HMCN1: variants seen among roughly 807,000 people sequenced by gnomAD.
The protein encoded by HMCN1 is hemicentin 1.
Under a neutral mutation model 625.9 loss-of-function variants are expected in HMCN1, and 321 were observed. The observed-to-expected ratio is 0.51, with a 90% CI of 0.47 to 0.56. HMCN1 has a LOEUF of 0.56. Among genes scored for constraint, HMCN1 ranks in the 20% least tolerant of loss-of-function variants. The probability of loss-of-function intolerance (pLI) is 0.00; values close to 1 mark genes in which losing one functional copy is unlikely to be tolerated. For missense variants in HMCN1, 6,588 were observed against 6,887.3 expected, an observed-to-expected ratio of 0.96 and a Z score of 1.54; for synonymous variants, 2,425 against 2,417.6, an observed-to-expected ratio of 1.00 and a Z score of -0.09.
chr1:185,788,577 G>A (rs1341793041), intron 1 of HMCN1, among the ~76,000 whole-genome samples: 1 of 152,166 alleles, frequency 6.6e-6, no homozygotes, highest in African/African-American at 2.4e-5. Flanking sequence ...GTTTTTACAG[G>A]AAGCCATTGT....
chr1:186,176,372 T>C (rs1294262497), intron 103 of HMCN1, among the ~76,000 whole-genome samples: 5 of 152,236 alleles, frequency 3.3e-5, no homozygotes, highest in African/African-American at 1.2e-4. Context: ...AGACACTAGT[T>C]ACCAATATTA....
chr1:185,925,895 G>A (rs1359942836), intron 9 of HMCN1, among the ~76,000 whole-genome samples: 1 of 152,188 alleles, frequency 6.6e-6, no homozygotes, highest in Non-Finnish European at 1.5e-5. Flanking sequence ...CATTGAGCCA[G>A]GAGGAGAAGG....
chr1:185,982,316 A>G lies in HMCN1; in HGVS notation c.2717A>G (p.Gln906Arg). 4 of 1,613,194 alleles carry G rather than the reference A, an allele frequency of 2.5e-6. No individual in the cohort carries two copies. The East Asian group carries it at 8.9e-5, about 36-fold the overall frequency. ...GTGGCCAATGTTATTGAAGGACAGC[A>G]GCTTACTTTGCCCTGTACTCTGTTA... ...PSVANVIEGQ[Q>R]LTLPCTLLAG... The change falls in exon 18 of 107, where the codon CAG (glutamine) becomes CGG (arginine). Residue 906 changes from glutamine to arginine, a missense_variant. Coordinates refer to ENST00000271588, the MANE Select transcript of HMCN1 (RefSeq NM_031935.3).
chr1:185,742,252 T>C (rs991065894), intron 1 of HMCN1, among the ~76,000 whole-genome samples: 2 of 152,092 alleles, frequency 1.3e-5, no homozygotes, highest in Non-Finnish European at 2.9e-5. Flanking sequence ...TAAAGAAAAA[T>C]AAGCAACTAT....
At chr1:186,166,050 G>T in intron 98 of HMCN1, 134 bp from the exon 99 acceptor site, 2 of 869,052 alleles carry the variant, frequency 2.3e-6, no homozygotes, top group Non-Finnish European at 1.8e-6. Context: ...TCATTTTGTG[G>T]CACTTAAAGC....
chr1:185,754,341 G>T (rs930612890), intron 1 of HMCN1, among the ~76,000 whole-genome samples: 40 of 152,140 alleles, frequency 2.6e-4, no homozygotes, highest in African/African-American at 9.7e-4. Flanking sequence ...CTTAAAAAAA[G>T]TCTTCAATGC....
At chr1:186,010,211 G>T (rs571991132) in intron 30 of HMCN1, among the ~76,000 whole-genome samples, 1 of 152,142 alleles carries the variant, frequency 6.6e-6, no homozygotes, top group African/African-American at 2.4e-5. Flanking sequence ...GTATATATGT[G>T]TGTGTGTGGG....
chr1:186,062,992 A>G (rs905646222), intron 48 of HMCN1, among the ~76,000 whole-genome samples: 3 of 147,634 alleles, frequency 2.0e-5, no homozygotes, highest in Admixed American at 6.8e-5. Context: ...GCTGCAAAAG[A>G]CATGATTTCA....
Position 185,982,367 on chromosome 1 carries a change from G to A in HMCN1, c.2768G>A (p.Arg923Gln), listed in dbSNP as rs144772706. 22 of 1,613,400 alleles carry A rather than the reference G, an allele frequency of 1.4e-5. No homozygotes were observed. The highest frequency in any genetic ancestry group is 4.5e-5 in the East Asian group (2 of 44,858). Reference protein sequence around the residue: ...LLAGNPIPERRWIKNSAMLLQ... With the variant: ...LLAGNPIPERQWIKNSAMLLQ... The stretch of plus-strand genomic sequence containing the variant: ...GCTGGAAATCCCATTCCAGAACGTC[G>A]GTGGATTAAGAATTCAGCTATGGTA... Residue 923 changes from arginine (R) to glutamine (Q), a missense_variant, in exon 18 of 107, where the codon CGG becomes CAG. Arg to Gln is a conservative substitution (Grantham distance 43). Coordinates refer to ENST00000271588, the MANE Select transcript of HMCN1 (RefSeq NM_031935.3).
Position 186,123,163 on chromosome 1 carries a change from T to C in HMCN1, c.12442T>C (p.Cys4148Arg). 6.2e-7 allele frequency: 1 copy of C among 1,614,006 alleles called. No homozygotes were observed. The highest frequency in any genetic ancestry group is 8.5e-7 in the Non-Finnish European group (1 of 1,179,964). ...VQPGDAGHYT[C>R]MAANVAGSSS... ...GCCTGGTGATGCTGGCCATTACACG[T>C]GCATGGCAGCCAATGTAGCAGGATC... is the stretch of plus-strand genomic sequence containing the variant. Residue 4148 changes from cysteine (C) to arginine (R), a missense_variant, in exon 81 of 107, where the codon TGC becomes CGC. Coordinates refer to ENST00000271588, the MANE Select transcript of HMCN1 (RefSeq NM_031935.3).
At chr1:186,183,852 C>A (rs1653103127) in intron 105 of HMCN1, among the ~76,000 whole-genome samples, 1 of 152,058 alleles carries the variant, frequency 6.6e-6, no homozygotes, top group Non-Finnish European at 1.5e-5. Flanking sequence ...CCAGATATTA[C>A]CACTTTTCCC....
chr1:186,150,134 A>T (rs1224218964), intron 93 of HMCN1, among the ~76,000 whole-genome samples: 3 of 63,206 alleles, frequency 4.7e-5, no homozygotes, highest in Admixed American at 2.1e-4. Context: ...TTCAATTTGT[A>T]AAAAAAACGC....
In HMCN1 at chr1:186,055,386, C is replaced by A; in HGVS notation, c.6863-7C>A. On this transcript the variant is annotated splice_polypyrimidine_tract_variant and splice_region_variant and intron_variant, in intron 44 of 106. Coordinates refer to ENST00000271588, the MANE Select transcript of HMCN1 (RefSeq NM_031935.3). ...TTTGTTTCTTTTTATCTTCCTCCAA[C>A]CCTCAGTTAGACCAACCATAACCAA... 1 of 1,611,984 alleles carries A rather than the reference C, an allele frequency of 6.2e-7. No homozygotes were observed. Among genetic ancestry groups the A allele is most frequent in the Non-Finnish European group, 8.5e-7 (1 of 1,178,564 alleles).
intron 40 of HMCN1, among the ~76,000 whole-genome samples, chr1:186,042,900 G>A (rs1447334323): frequency 1.3e-5 from 2 of 152,086 alleles, no homozygotes. Flanking sequence ...ACGCTGTTGG[G>A]GGGTGGAATA....
At chr1:186,074,557 A>G (rs1015630799) in intron 52 of HMCN1, among the ~76,000 whole-genome samples, 184 bp from the exon 53 acceptor site, 4 of 152,176 alleles carry the variant, frequency 2.6e-5, no homozygotes, top group African/African-American at 9.6e-5. Flanking sequence ...TAAAAATTTG[A>G]TTAGTCAAAA....
intron 1 of HMCN1, among the ~76,000 whole-genome samples, chr1:185,786,094 A>G (rs1657550286): frequency 6.6e-6 from 1 of 152,238 alleles, no homozygotes; most frequent in African/African-American, 2.4e-5. Flanking sequence ...ATTAACAAAA[A>G]GATGTCTGTA....
chr1:185,993,475 G>C, intron 23 of HMCN1, 166 bp downstream of exon 23: 1 of 667,550 alleles, frequency 1.5e-6, no homozygotes, highest in Non-Finnish European at 2.5e-6. Context: ...ACTCTGAAAA[G>C]TCTTCCTGCT....
chr1:185,898,949 C>T (rs1453386019), intron 4 of HMCN1, among the ~76,000 whole-genome samples: 1 of 151,248 alleles, frequency 6.6e-6, no homozygotes, highest in African/African-American at 2.4e-5. Flanking sequence ...GGGTTGCAAT[C>T]AATGTGTGAT....
rs369026371 is a variant in HMCN1 at position 185,970,359 on chromosome 1, C to T, written c.2237C>T (p.Thr746Ile). 1.2e-6 allele frequency: 2 copies of T among 1,613,508 alleles called. No individual in the cohort carries two copies. The highest frequency in any genetic ancestry group is 2.7e-5 in the African/African-American group (2 of 74,928). The part of the protein sequence containing the change: ...FKGDLELRPS[T>I]FLIIDPLLGL... ...GGAGATCTTGAGTTGAGGCCCTCAA[C>T]ATTCCTCATTATTGACCCTCTCTTG... Residue 746 changes from threonine (T) to isoleucine (I), a missense_variant, in exon 15 of 107, where the codon ACA (threonine) becomes ATA (isoleucine). Thr to Ile is a moderately conservative substitution (Grantham distance 89). This residue lies in a region of HMCN1 where 4,628 missense variants were observed against 4,853.1 expected (regional missense o/e 0.95). Coordinates refer to ENST00000271588, the MANE Select transcript of HMCN1 (RefSeq NM_031935.3).
Sources: allele counts gnomAD v4.1 joint callset (sites outside exome capture counted in the v4.1 genomes callset), GRCh38; gene constraint gnomAD v4.1.1; regional missense constraint gnomAD v4.1.1; transcripts MANE v1.5; gene names NCBI Gene and HGNC (gene_info 2026-07-23, HGNC 2026-07-21).